Variants in CSPP1 observed in about 807,000 individuals in gnomAD.
CSPP1 encodes the protein centrosome and spindle pole associated protein 1.
In CSPP1, 126 loss-of-function variants were observed where a neutral mutation model predicts 164.4. The observed-to-expected ratio is 0.77, with a 90% CI of 0.66 to 0.89. CSPP1 has a LOEUF of 0.89. Ranked by LOEUF, CSPP1 falls within the 40% of genes least tolerant of loss-of-function variation. CSPP1 has a pLI of 0.00. For missense variants in CSPP1, 1,395 were observed against 1,449.8 expected, an observed-to-expected ratio of 0.96 and a Z score of 0.61; for synonymous variants, 472 against 476.7, an observed-to-expected ratio of 0.99 and a Z score of 0.13.
intron 3 of CSPP1, among the ~76,000 whole-genome samples, chr8:67,077,533 C>T (rs779726704): frequency 4.6e-5 from 7 of 152,010 alleles, no homozygotes; most frequent in South Asian, 2.1e-4. Context: ...GACAGGGTTT[C>T]GCAGTGTTGG....
At chr8:67,113,965 C>A (rs1817411517) in intron 11 of CSPP1, 103 bp downstream of exon 11, 3 of 625,592 alleles carry the variant, frequency 4.8e-6, no homozygotes, top group African/African-American at 1.9e-5. Flanking sequence ...AGAGAGTAGA[C>A]CAATTTGAAC....
chr8:67,158,339 C>G, intron 19 of CSPP1, 108 bp from the exon 20 acceptor site: 3 of 1,219,690 alleles, frequency 2.5e-6, no homozygotes, highest in Non-Finnish European at 3.3e-6. Flanking sequence ...TAGGAACATG[C>G]AAAAAGAGGG....
chr8:67,115,486 C>A (rs1441054864), intron 12 of CSPP1, among the ~76,000 whole-genome samples: 1 of 152,100 alleles, frequency 6.6e-6, no homozygotes, highest in Non-Finnish European at 1.5e-5. Context: ...TCAAGACCAG[C>A]CTTGCCAACG....
chr8:67,193,164 T>A (rs1402686991), intron 29 of CSPP1, among the ~76,000 whole-genome samples: 2 of 152,178 alleles, frequency 1.3e-5, no homozygotes, highest in Non-Finnish European at 2.9e-5. Flanking sequence ...TCTCCCAGGC[T>A]GGAGTCCAGT....
chr8:67,171,273 C>T lies in CSPP1; in HGVS notation c.2829-1143C>T, dbSNP rs142133841. Among the ~76,000 whole-genome samples, 951 of 151,480 alleles carry T rather than the reference C, an allele frequency of 6.3e-3. 11 individuals carry two copies. Among genetic ancestry groups the T allele is most frequent in the African/African-American group, 0.021 (862 of 41,436 alleles). On this transcript the variant is annotated intron_variant, in intron 24 of 30. Transcript: ENST00000678616. ...AAAATCAGCTGGGCCTAGTGGTGCA[C>T]GCCTGTAGTCCCAGCTACTCAGGAG...
At chr8:67,131,764 A>C (rs1024052941) in intron 15 of CSPP1, among the ~76,000 whole-genome samples, 187 bp from the exon 16 acceptor site, 43 of 152,206 alleles carry the variant, frequency 2.8e-4, no homozygotes, top group African/African-American at 1.0e-3. Flanking sequence ...AGTTGCAAGG[A>C]TTGTCAAAGC....
chr8:67,075,557 A>C (rs910067843), intron 2 of CSPP1, among the ~76,000 whole-genome samples: 2 of 152,212 alleles, frequency 1.3e-5, no homozygotes, highest in African/African-American at 4.8e-5. Context: ...GTAATTTTCC[A>C]GATGAGTAAA....
intron 15 of CSPP1, among the ~76,000 whole-genome samples, chr8:67,127,532 T>G (rs1447249185): frequency 6.6e-6 from 1 of 152,164 alleles, no homozygotes; most frequent in Non-Finnish European, 1.5e-5. Flanking sequence ...ACCATCAGAA[T>G]AGTACGCAGG....
intron 22 of CSPP1, among the ~76,000 whole-genome samples, chr8:67,163,094 C>T (rs766690157): frequency 4.6e-5 from 7 of 152,264 alleles, no homozygotes; most frequent in East Asian, 3.9e-4. Context: ...ATGGCAGTGA[C>T]GGCAGTTGCG....
At chr8:67,115,694 AG>A (rs1330621841) in intron 12 of CSPP1, among the ~76,000 whole-genome samples, 11 of 152,050 alleles carry the variant, frequency 7.2e-5, no homozygotes, top group African/African-American at 1.4e-4. Flanking sequence ...TAAATAAATA[AG>A]ATAGATAGAT....
chr8:67,117,997 T>C (rs114034758), intron 13 of CSPP1, among the ~76,000 whole-genome samples: 145 of 152,336 alleles, frequency 9.5e-4, no homozygotes, highest in African/African-American at 3.4e-3. Context: ...ATAGTGCCTA[T>C]TGGATATTAA....
chr8:67,089,247 A>G (rs1267316465), intron 4 of CSPP1, among the ~76,000 whole-genome samples: 2 of 152,058 alleles, frequency 1.3e-5, no homozygotes, highest in Non-Finnish European at 2.9e-5. Context: ...CTTCCTGCCC[A>G]GAGATGGTTT....
chr8:67,108,183 C>T (rs1403284716), intron 9 of CSPP1, among the ~76,000 whole-genome samples: 1 of 150,634 alleles, frequency 6.6e-6, no homozygotes, highest in African/African-American at 2.4e-5. Flanking sequence ...TTGATTGAGC[C>T]CAAGAGTTTG....
At chr8:67,086,504 C>T (rs1810431024) in intron 4 of CSPP1, among the ~76,000 whole-genome samples, 1 of 151,950 alleles carries the variant, frequency 6.6e-6, no homozygotes, top group Non-Finnish European at 1.5e-5. Flanking sequence ...TCCTATGAGC[C>T]AAGCTTATAA....
chr8:67,159,598 C>G (rs1483429279), intron 21 of CSPP1, among the ~76,000 whole-genome samples: 1 of 137,296 alleles, frequency 7.3e-6, no homozygotes, highest in Non-Finnish European at 1.5e-5. Context: ...TTTTGGCTCA[C>G]TGCACCTCCA....
intron 17 of CSPP1, among the ~76,000 whole-genome samples, chr8:67,142,327 A>G (rs1563665584): frequency 6.6e-6 from 1 of 152,214 alleles, no homozygotes; most frequent in Non-Finnish European, 1.5e-5. Flanking sequence ...ATGGTATCTC[A>G]TAGTTCCAAT....
chr8:67,088,049 C>T (rs959154376), intron 4 of CSPP1, among the ~76,000 whole-genome samples: 1 of 152,130 alleles, frequency 6.6e-6, no homozygotes, highest in Non-Finnish European at 1.5e-5. Context: ...TTTCGTGTTC[C>T]AGCCTGACTC....
At chr8:67,110,626 C>T (rs963715595) in intron 9 of CSPP1, among the ~76,000 whole-genome samples, 6 of 152,176 alleles carry the variant, frequency 3.9e-5, no homozygotes, top group Non-Finnish European at 7.3e-5. Flanking sequence ...TAACTTCTAG[C>T]CATTTTAGCC....
chr8:67,066,780 TTTTG>T (rs369416645), intron 1 of CSPP1, among the ~76,000 whole-genome samples: 3,415 of 152,078 alleles, frequency 0.022, 97 homozygotes, highest in African/African-American at 0.067. Context: ...TATATTTGTT[TTTTG>T]TTTGTTTGTT....
Sources: gnomAD v4.1 joint callset for allele counts (sites outside exome capture counted in the v4.1 genomes callset) on GRCh38, gnomAD v4.1.1 for gene constraint, MANE v1.5 for transcripts, NCBI Gene and HGNC (gene_info 2026-07-23, HGNC 2026-07-21) for gene names.